Variants in RNF213 observed in about 807,000 individuals in gnomAD.
The protein encoded by RNF213 is E3 ubiquitin-protein ligase RNF213.
RNF213 carries 341 observed loss-of-function variants against 514.4 expected under a neutral mutation model. The ratio of observed to expected loss-of-function variants is 0.66; its 90% CI spans 0.61 to 0.73. The LOEUF is 0.73. Among genes scored for constraint, RNF213 ranks in the 30% least tolerant of loss-of-function variants. RNF213 has a pLI of 0.00. For missense variants in RNF213, 5,767 were observed against 6,615.6 expected, an observed-to-expected ratio of 0.87 and a Z score of 4.45; for synonymous variants, 2,655 against 2,658.2, an observed-to-expected ratio of 1.00 and a Z score of 0.04.
chr17:80,370,014 T>C lies in RNF213; in HGVS notation c.12425+147T>C, dbSNP rs377354508. The C allele has an allele frequency of 2.6e-4, 182 of 711,638 alleles. No individual in the cohort carries two copies. The African/African-American group carries it at 3.0e-3, about 12-fold the overall frequency. 44.1% of individuals were successfully genotyped at this position (711,638 alleles called of 1,614,324 possible). ...CGGTGAGACACAGCCTGGTTACTTG[T>C]ACTGGTTGTGTATTCTGACATTTTC... On this transcript the variant is annotated intron_variant, in intron 46 of 67. Transcript: ENST00000582970.
At position 80,367,841 on chromosome 17, in the gene RNF213, C is replaced by T; in HGVS notation, c.11965C>T (p.Leu3989Phe). 6.2e-7 allele frequency: 1 copy of T among 1,614,238 alleles called. No homozygotes were observed. Among genetic ancestry groups the T allele is most frequent in the Non-Finnish European group, 8.5e-7 (1 of 1,180,030 alleles). Residue 3989 changes from leucine (L) to phenylalanine (F), a missense_variant, in exon 43 of 68, where the codon CTC becomes TTC. Around this residue, in one of 13 missense-constraint regions of RNF213, gnomAD observed 355 missense variants for 358.0 expected, o/e 0.99. Transcript: ENST00000582970. ...CECKETASKTLSRFGIQPCSI... is the reference protein window; with the variant it reads ...CECKETASKTFSRFGIQPCSI... ...ATGCAAGGAGACAGCCAGCAAGACC[C>T]TCAGCAGGTGAGACCTTAGGTTTGG...
intron 3 of RNF213, among the ~76,000 whole-genome samples, chr17:80,287,599 C>A (rs1035431880): frequency 1.7e-4 from 26 of 152,210 alleles, no homozygotes; most frequent in Non-Finnish European, 5.9e-5. Context: ...CCGAGTGTGG[C>A]GAGCGCTTCA....
rs568696320 is a variant in RNF213 at position 80,383,062 on chromosome 17, G to C, written c.14062G>C (p.Glu4688Gln). Reference sequence around the variant, plus strand: ...GGAAATCGCAGCTGTGATTTCTCCTGAACTGGAGGTAAGCAGTAAGTGCTG... The same window carrying C: ...GGAAATCGCAGCTGTGATTTCTCCTCAACTGGAGGTAAGCAGTAAGTGCTG... ...EKEIAAVISP[E>Q]LEHLDKTLPT... Residue 4688 changes from glutamate (E) to glutamine (Q), a missense_variant, in exon 58 of 68, where the codon GAA becomes CAA. By Grantham distance (29) the Glu-to-Gln change is conservative (BLOSUM62 2). Coordinates refer to ENST00000582970, the MANE Select transcript of RNF213 (RefSeq NM_001256071.3). 3.7e-5 allele frequency: 60 copies of C among 1,612,154 alleles called. 2 individuals are homozygous for C. In the South Asian group the frequency reaches 6.4e-4, roughly 17 times the overall value.
intron 65 of RNF213, 145 bp from the exon 66 acceptor site, chr17:80,389,683 C>G: frequency 1.3e-6 from 1 of 764,228 alleles, no homozygotes; most frequent in Non-Finnish European, 2.3e-6. Context: ...ACAGAGATGG[C>G]CTTCACAAGG....
intron 39 of RNF213, 139 bp downstream of exon 39, chr17:80,362,027 C>T: frequency 1.0e-6 from 1 of 994,606 alleles, no homozygotes; most frequent in Non-Finnish European, 1.5e-6. Context: ...GCGAAGGGTG[C>T]CGGTGGGTGA....
intron 63 of RNF213, among the ~76,000 whole-genome samples, chr17:80,387,662 G>A (rs866266935): frequency 6.6e-6 from 1 of 152,176 alleles, no homozygotes. Context: ...ATCCTGTGCC[G>A]GATGGACCTG....
chr17:80,389,040 C>G, intron 64 of RNF213, 133 bp from the exon 65 acceptor site: 2 of 834,872 alleles, frequency 2.4e-6, no homozygotes, highest in Non-Finnish European at 4.0e-6. Context: ...CACCGTGCGC[C>G]CAAGTGTCAG....
chr17:80,296,140 C>T (rs1283481397), intron 10 of RNF213, among the ~76,000 whole-genome samples: 1 of 152,184 alleles, frequency 6.6e-6, no homozygotes, highest in African/African-American at 2.4e-5. Context: ...CTGCTTCAGC[C>T]TCCTTAGTAG....
intron 20 of RNF213, among the ~76,000 whole-genome samples, chr17:80,330,320 T>C (rs758315053): frequency 1.3e-5 from 2 of 152,224 alleles, no homozygotes; most frequent in Non-Finnish European, 2.9e-5. Flanking sequence ...CATTCTTGTT[T>C]GTCTGTGTTT....
rs780012360 is a variant in RNF213 at position 80,295,607 on chromosome 17, G to A, written c.1806G>A (p.Pro602=). The A allele has an allele frequency of 7.4e-6, 12 of 1,613,954 alleles. No individual in the cohort carries two copies. Among genetic ancestry groups the A allele is most frequent in the African/African-American group, 2.7e-5 (2 of 74,928 alleles). The change falls in exon 10 of 68, where the codon CCG becomes CCA. Residue 602 remains proline (P), a synonymous_variant. Coordinates refer to ENST00000582970, the MANE Select transcript of RNF213 (RefSeq NM_001256071.3). ...QHLKKHVVPL[P]DGKSTDFLPV... ...TGAAAAAACACGTGGTACCATTGCC[G>A]GACGGAAAAAGCACGGACTTTTTGC...
intron 15 of RNF213, chr17:80,316,680 C>A: frequency 4.2e-6 from 1 of 236,732 alleles, no homozygotes. Flanking sequence ...TTAGGAGACC[C>A]TGCCCAGGTA....
rs1160546580 is a variant in RNF213, at chr17:80,295,692, GA to G, written c.1897del (p.Ile633LeufsTer5). On this transcript the variant is annotated frameshift_variant, in exon 10 of 68. Transcript: ENST00000582970. LOFTEE classifies it high-confidence loss of function. ...KTGLIVLFVV[E>X]KIELLLEGSL... is the part of the protein sequence containing the mutation. ...AGGCCTGATTGTCCTTTTTGTAGTG[GA>G]AAAAATTGAGCTTTTATTAGAAGGC... The G allele has an allele frequency of 1.9e-6, 3 of 1,614,060 alleles. No homozygotes were observed. The highest frequency in any genetic ancestry group is 2.2e-5 in the East Asian group (1 of 44,900).
chr17:80,377,689 T>G lies in RNF213; in HGVS notation c.13511-73T>G. ...GTGGTCAGGGCCAGAGAGTAGAGAG[T>G]TAGCTTTCCCTTTTCAATGTGGGTC... On this transcript the variant is annotated intron_variant, in intron 53 of 67. Coordinates refer to ENST00000582970, the MANE Select transcript of RNF213 (RefSeq NM_001256071.3). The surrounding 1 kb of genome is among the most constrained non-coding windows in gnomAD (Gnocchi z 4.1). 1 of 1,545,950 alleles carries G rather than the reference T, an allele frequency of 6.5e-7. No homozygotes were observed. Among genetic ancestry groups the G allele is most frequent in the Non-Finnish European group, 8.9e-7 (1 of 1,117,810 alleles).
chr17:80,319,131 T>C (rs1467746625), intron 16 of RNF213, 59 bp from the exon 17 acceptor site: 1 of 1,613,950 alleles, frequency 6.2e-7, no homozygotes, highest in Non-Finnish European at 8.5e-7. Flanking sequence ...TTTCATCCCA[T>C]AGAGCACTGG....
chr17:80,317,495 A>G lies in RNF213; in HGVS notation c.2901+218A>G, dbSNP rs1003159026. ...AGAGGACAGAGAAGAACAAGGGCCCAGGATCTCACCATCATGGGGGTGCGG... is the reference window on the plus strand; with the variant it reads ...AGAGGACAGAGAAGAACAAGGGCCCGGGATCTCACCATCATGGGGGTGCGG... On this transcript the variant is annotated intron_variant, in intron 16 of 67. Transcript: ENST00000582970. This position sits in a 1 kb window ranked among gnomAD's most constrained non-coding sequence, Gnocchi z 4.1. Among the ~76,000 whole-genome samples the G allele has an allele frequency of 1.3e-5, 2 of 152,198 alleles. No individual in the cohort carries two copies. Among genetic ancestry groups the G allele is most frequent in the African/African-American group, 4.8e-5 (2 of 41,450 alleles).
At chr17:80,382,239 T>TA (rs1387624035) in intron 57 of RNF213, 8 of 158,122 alleles carry the variant, frequency 5.1e-5, no homozygotes, top group African/African-American at 1.9e-4. Flanking sequence ...CTTTCTATTT[T>TA]AAAAATTTAA....
At chr17:80,327,691 C>A in intron 18 of RNF213, 125 bp from the exon 19 acceptor site, 1 of 769,818 alleles carries the variant, frequency 1.3e-6, no homozygotes, top group Non-Finnish European at 2.0e-6. Flanking sequence ...GAGACACTGG[C>A]CAGCCATTGC....
At chr17:80,266,986 G>T (rs928166365) in intron 2 of RNF213, among the ~76,000 whole-genome samples, 2 of 152,106 alleles carry the variant, frequency 1.3e-5, no homozygotes, top group Non-Finnish European at 2.9e-5. Context: ...GGAGGCTGAG[G>T]TAGGTGGATC....
In RNF213 at chr17:80,377,565, G is replaced by A; in HGVS notation, c.13511-197G>A. 1 of 675,364 alleles carries A rather than the reference G, an allele frequency of 1.5e-6. No homozygotes were observed. The highest frequency in any genetic ancestry group is 2.7e-6 in the Non-Finnish European group (1 of 365,620). The allele number at this position is 675,364 out of a possible 1,614,324, so 41.8% of individuals were successfully genotyped here. ...GATAAAATTAATAAAATTAGACTCA[G>A]ACATTTTTCACTGACAACATACATT... On this transcript the variant is annotated intron_variant, in intron 53 of 67. Coordinates refer to ENST00000582970, the MANE Select transcript of RNF213 (RefSeq NM_001256071.3). This position sits in a 1 kb window ranked among gnomAD's most constrained non-coding sequence, Gnocchi z 4.1.
Sources: gnomAD v4.1 joint callset for allele counts (sites outside exome capture counted in the v4.1 genomes callset) on GRCh38, gnomAD v4.1.1 for gene constraint, gnomAD v4.1.1 regional missense constraint, Gnocchi (gnomAD v3.1) non-coding constraint, MANE v1.5 for transcripts, NCBI Gene and HGNC (gene_info 2026-07-23, HGNC 2026-07-21) for gene names.